The following GCSAML variants were observed in gnomAD, a reference collection of about 807,000 sequenced individuals.
GCSAML encodes the protein germinal center associated signaling and motility like, also known as germinal center-associated signaling and motility-like protein.
A neutral mutation model predicts 13.0 loss-of-function variants in GCSAML; 9 were observed. The ratio of observed to expected loss-of-function variants is 0.69; its 90% CI spans 0.42 to 1.21. The LOEUF is 1.21. GCSAML is among the 50% of genes most tolerant of loss of function. The probability of loss-of-function intolerance (pLI) is 0.00; values close to 1 mark genes in which losing one functional copy is unlikely to be tolerated. For missense variants in GCSAML, 143 were observed against 153.4 expected, an observed-to-expected ratio of 0.93 and a Z score of 0.36; for synonymous variants, 37 against 52.9, an observed-to-expected ratio of 0.70 and a Z score of 1.31.
At chr1:247,532,422 T>C in intron 2 of GCSAML, 1 of 1,613,986 alleles carries the variant, frequency 6.2e-7, no homozygotes, top group Non-Finnish European at 8.5e-7. Flanking sequence ...TCAAGACAAC[T>C]ATGAAGAGGA....
chr1:247,508,670 T>C (rs930244911), intron 1 of GCSAML, among the ~76,000 whole-genome samples: 37 of 152,226 alleles, frequency 2.4e-4, no homozygotes, highest in African/African-American at 8.7e-4. Context: ...CTTTAATCCA[T>C]CTTGAGTTAA....
intron 3 of GCSAML, chr1:247,565,725 CAT>C (rs1358794668): frequency 5.7e-6 from 3 of 529,120 alleles, no homozygotes; most frequent in Non-Finnish European, 9.9e-6. Context: ...TCTCAGAACA[CAT>C]GTTCTTTCTT....
At chr1:247,566,471 G>A (rs1404311937) in intron 4 of GCSAML, among the ~76,000 whole-genome samples, 1 of 152,116 alleles carries the variant, frequency 6.6e-6, no homozygotes, top group Non-Finnish European at 1.5e-5. Context: ...CGAACTCCTG[G>A]CCTCAAGTGA....
intron 2 of GCSAML, chr1:247,529,661 T>C (rs1666828960): frequency 6.6e-6 from 1 of 151,460 alleles, no homozygotes; most frequent in African/African-American, 2.4e-5. Flanking sequence ...ATCAACTTGG[T>C]TGGACTATGG....
At chr1:247,554,001 A>T (rs552901797) in intron 1 of GCSAML, among the ~76,000 whole-genome samples, 4 of 152,174 alleles carry the variant, frequency 2.6e-5, no homozygotes, top group Non-Finnish European at 5.9e-5. Context: ...GGATTATTGC[A>T]TCTATTTTCA....
At chr1:247,546,534 ATTT>A (rs542555421), upstream of GCSAML, among the ~76,000 whole-genome samples, 4 of 150,660 alleles carry the variant, frequency 2.7e-5, no homozygotes, top group South Asian at 4.2e-4. Context: ...CATTTTTTGT[ATTT>A]TTTTTAGTGG....
At chr1:247,517,696 T>C (rs182752759) in intron 1 of GCSAML, among the ~76,000 whole-genome samples, 5 of 152,330 alleles carry the variant, frequency 3.3e-5, no homozygotes, top group Admixed American at 6.5e-5. Context: ...ATATCTTTAC[T>C]TAACGTCTTG....
intron 1 of GCSAML, among the ~76,000 whole-genome samples, chr1:247,550,591 C>T (rs1389513135): frequency 4.0e-5 from 6 of 151,834 alleles, no homozygotes; most frequent in Admixed American, 2.6e-4. Context: ...GAGCCGAGAT[C>T]CCGCCACTGC....
chr1:247,535,796 C>T (rs907518190), intron 2 of GCSAML, among the ~76,000 whole-genome samples: 11 of 152,078 alleles, frequency 7.2e-5, no homozygotes, highest in African/African-American at 2.2e-4. Context: ...ACAAAAATAG[C>T]GTTTTCAGTA....
chr1:247,556,980 T>G (rs1667977516), intron 2 of GCSAML, among the ~76,000 whole-genome samples: 1 of 152,198 alleles, frequency 6.6e-6, no homozygotes, highest in Non-Finnish European at 1.5e-5. Flanking sequence ...TGCATTCTCC[T>G]TTTATTTGAT....
At chr1:247,532,837 C>A (rs1462575835) in intron 2 of GCSAML, among the ~76,000 whole-genome samples, 2 of 148,322 alleles carry the variant, frequency 1.3e-5, no homozygotes, top group Non-Finnish European at 3.0e-5. Flanking sequence ...CATTACCTTC[C>A]TCACGGCCAA....
chr1:247,556,559 C>G (rs1667959182), intron 2 of GCSAML, 93 bp downstream of exon 2: 1 of 844,722 alleles, frequency 1.2e-6, no homozygotes, highest in Non-Finnish European at 1.9e-6. Flanking sequence ...CTAGAACTAA[C>G]ACCCCTTAGG....
chr1:247,523,318 C>A lies in GCSAML; in HGVS notation c.-262-3622C>A, dbSNP rs551771271. On this transcript the variant is annotated intron_variant, in intron 1 of 5. Coordinates refer to the GCSAML transcript ENST00000366489. ...ATGCATATATAGACAGGAATAATTC[C>A]TAACATTCATTGAGGTTTTACTGTG... is the stretch of plus-strand genomic sequence containing the variant. Among the ~76,000 whole-genome samples the A allele has an allele frequency of 3.9e-5, 6 of 152,306 alleles. No homozygotes were observed. The South Asian group carries it at 1.2e-3, about 32-fold the overall frequency.
intron 3 of GCSAML, among the ~76,000 whole-genome samples, chr1:247,564,546 G>C (rs781746195): frequency 5.3e-5 from 8 of 152,014 alleles, no homozygotes; most frequent in Non-Finnish European, 1.0e-4. Flanking sequence ...ACTTTATTGA[G>C]GTATAACTGA....
At chr1:247,549,473 A>AT (rs912580848) in intron 1 of GCSAML, among the ~76,000 whole-genome samples, 37 of 147,692 alleles carry the variant, frequency 2.5e-4, no homozygotes, top group East Asian at 7.9e-4. Context: ...CCAGAAAAAC[A>AT]TTTTTTTTTT....
Position 247,507,455 on chromosome 1 carries a change from C to G in GCSAML, c.-263+222C>G, listed in dbSNP as rs566232030. 2.0e-5 allele frequency among the ~76,000 whole-genome samples: 3 copies of G among 152,112 alleles called. No homozygotes were observed. The East Asian group carries it at 5.8e-4, about 29-fold the overall frequency. ...ATAATTTTGTGGCATTTTCTTTGAG[C>G]TGGAATTATACTTGACATTTCATTA... On this transcript the variant is annotated intron_variant, in intron 1 of 5. Transcript: ENST00000366489.
Position 247,521,387 on chromosome 1 carries a change from G to C in GCSAML, c.-262-5553G>C, listed in dbSNP as rs905747866. Among the ~76,000 whole-genome samples the C allele has an allele frequency of 1.4e-4, 10 of 70,358 alleles. No individual in the cohort carries two copies. The East Asian group carries it at 4.2e-3, about 30-fold the overall frequency. 46.2% of individuals were successfully genotyped at this position (70,358 alleles called of 152,430 possible). ...CCACGGTCTCCCTCTCCCTCTCCACGGTCTCCCTCTCCCTCTCTTTCCATG... is the reference window on the plus strand; with the variant it reads ...CCACGGTCTCCCTCTCCCTCTCCACCGTCTCCCTCTCCCTCTCTTTCCATG... On this transcript the variant is annotated intron_variant, in intron 1 of 5. Coordinates refer to the GCSAML transcript ENST00000366489.
chr1:247,510,137 T>C (rs1665979427), intron 1 of GCSAML, among the ~76,000 whole-genome samples: 1 of 152,156 alleles, frequency 6.6e-6, no homozygotes, highest in Non-Finnish European at 1.5e-5. Context: ...GGTCCTGGGC[T>C]TTTTTTGGTT....
intron 2 of GCSAML, chr1:247,528,072 G>T (rs964387963): frequency 4.6e-5 from 7 of 152,070 alleles, no homozygotes; most frequent in South Asian, 2.1e-4. Flanking sequence ...CGGTCTTTGG[G>T]TTCTAAACTG....
Sources: allele counts gnomAD v4.1 joint callset (sites outside exome capture counted in the v4.1 genomes callset), GRCh38; gene constraint gnomAD v4.1.1; transcripts MANE v1.5; gene names NCBI Gene and HGNC (gene_info 2026-07-23, HGNC 2026-07-21).